CACNG2: variants seen among roughly 807,000 people sequenced by gnomAD.
CACNG2 encodes the protein calcium voltage-gated channel auxiliary subunit gamma 2.
A neutral mutation model predicts 25.9 loss-of-function variants in CACNG2; 3 were observed. The ratio of observed to expected loss-of-function variants is 0.12; its 90% CI spans 0.05 to 0.30. CACNG2 has a LOEUF of 0.30. CACNG2 is among the 10% of genes least tolerant of loss of function. The pLI, the probability that CACNG2 is intolerant of heterozygous loss-of-function variation, is 1.00. For synonymous variants in CACNG2, 167 were observed against 173.3 expected, an observed-to-expected ratio of 0.96 and a Z score of 0.29; for missense variants, 341 against 432.5, an observed-to-expected ratio of 0.79 and a Z score of 1.88.
chr22:36,673,385 C>T (rs76349364), intron 1 of CACNG2, among the ~76,000 whole-genome samples: 6,590 of 152,230 alleles, frequency 0.043, 279 homozygotes, highest in Middle Eastern at 0.11. Flanking sequence ...GATTGGAAAT[C>T]GAATTCTCTG....
At chr22:36,665,321 C>T (rs766426673) in intron 1 of CACNG2, among the ~76,000 whole-genome samples, 25 of 152,206 alleles carry the variant, frequency 1.6e-4, no homozygotes, top group Non-Finnish European at 2.6e-4. Flanking sequence ...CTTAACCCTT[C>T]TAGACGTCCC....
intron 2 of CACNG2, among the ~76,000 whole-genome samples, chr22:36,582,410 C>CTTTT (rs1215880009): frequency 6.8e-6 from 1 of 145,998 alleles, no homozygotes; most frequent in African/African-American, 2.5e-5. Context: ...TTCTTTCTTT[C>CTTTT]TTTTTTTTTT....
intron 1 of CACNG2, among the ~76,000 whole-genome samples, chr22:36,698,900 G>A (rs984985099): frequency 3.3e-5 from 5 of 152,146 alleles, no homozygotes; most frequent in African/African-American, 9.7e-5. Flanking sequence ...GAAGGCATAG[G>A]AGAGAATAAG....
At chr22:36,579,118 A>G (rs1935371724) in intron 2 of CACNG2, among the ~76,000 whole-genome samples, 2 of 152,146 alleles carry the variant, frequency 1.3e-5, no homozygotes, top group Non-Finnish European at 2.9e-5. Context: ...AAAAGCTGCC[A>G]GCTCGACTGG....
intron 1 of CACNG2, among the ~76,000 whole-genome samples, chr22:36,670,557 G>C (rs750612348): frequency 6.6e-6 from 1 of 152,154 alleles, no homozygotes; most frequent in Non-Finnish European, 1.5e-5. Context: ...CTCCAGGGCA[G>C]TGTTCTAGAA....
intron 1 of CACNG2, among the ~76,000 whole-genome samples, chr22:36,643,821 T>C (rs1178677251): frequency 6.6e-6 from 1 of 152,230 alleles, no homozygotes; most frequent in Non-Finnish European, 1.5e-5. Flanking sequence ...TATTACCTTA[T>C]TTAAGCCTTA....
chr22:36,673,619 T>C (rs192564410), intron 1 of CACNG2, among the ~76,000 whole-genome samples: 255 of 151,568 alleles, frequency 1.7e-3, no homozygotes, highest in African/African-American at 6.1e-3. Flanking sequence ...GGGCAGTGTA[T>C]GCTGGCAGGG....
chr22:36,662,066 A>G (rs1601442639), intron 1 of CACNG2, among the ~76,000 whole-genome samples: 1 of 124,008 alleles, frequency 8.1e-6, no homozygotes, highest in Non-Finnish European at 1.6e-5. Context: ...TGCAAGCTCC[A>G]CCTCCCAGGT....
intron 1 of CACNG2, among the ~76,000 whole-genome samples, chr22:36,664,397 A>G (rs1246513112): frequency 6.6e-6 from 1 of 152,236 alleles, no homozygotes; most frequent in African/African-American, 2.4e-5. Context: ...CAGGATGAGC[A>G]AGGTCCTTGT....
chr22:36,606,210 T>A lies in CACNG2; in HGVS notation c.212-18662A>T, dbSNP rs570816574. ...GGATTCCCCGTCCCCCAGAGCTGAG[T>A]CTTGAGAGGACCCTAGACAAATAAT... On this transcript the variant is annotated intron_variant, in intron 1 of 3. Coordinates refer to ENST00000300105, the MANE Select transcript of CACNG2 (RefSeq NM_006078.5). This position sits in a 1 kb window ranked among gnomAD's most constrained non-coding sequence, Gnocchi z 5.7. 6.6e-6 allele frequency among the ~76,000 whole-genome samples: 1 copy of A among 152,102 alleles called. No homozygotes were observed. Among genetic ancestry groups the A allele is most frequent in the Non-Finnish European group, 1.5e-5 (1 of 67,994 alleles).
intron 1 of CACNG2, among the ~76,000 whole-genome samples, chr22:36,598,371 A>G (rs577092067): frequency 6.6e-6 from 1 of 152,330 alleles, no homozygotes; most frequent in East Asian, 1.9e-4. Flanking sequence ...TAATCCCAGC[A>G]CGTTGGGAGG....
chr22:36,670,152 T>A (rs923990806), intron 1 of CACNG2, among the ~76,000 whole-genome samples: 2 of 152,148 alleles, frequency 1.3e-5, no homozygotes, highest in Non-Finnish European at 2.9e-5. Context: ...TTTAGTAAAC[T>A]TTTTACTGTG....
chr22:36,611,665 G>T (rs2145941791), intron 1 of CACNG2, among the ~76,000 whole-genome samples: 1 of 152,280 alleles, frequency 6.6e-6, no homozygotes, highest in African/African-American at 2.4e-5. Flanking sequence ...CCTCCACTGG[G>T]ATCTCTTGAG....
At chr22:36,642,393 A>G (rs988247976) in intron 1 of CACNG2, among the ~76,000 whole-genome samples, 8 of 152,166 alleles carry the variant, frequency 5.3e-5, no homozygotes, top group African/African-American at 1.9e-4. Flanking sequence ...ATCTGTCACA[A>G]ATACCTAGCA....
At chr22:36,673,791 C>T (rs964057479) in intron 1 of CACNG2, among the ~76,000 whole-genome samples, 5 of 152,092 alleles carry the variant, frequency 3.3e-5, no homozygotes, top group Non-Finnish European at 4.4e-5. Context: ...TTACAAAGTA[C>T]TTTACAGTTT....
intron 1 of CACNG2, among the ~76,000 whole-genome samples, chr22:36,682,179 G>A (rs1336349576): frequency 6.6e-6 from 1 of 152,238 alleles, no homozygotes; most frequent in Non-Finnish European, 1.5e-5. Context: ...ACTTGGGGGA[G>A]AAGACGCAGG....
rs189308766 is a variant in CACNG2, at chr22:36,645,748, C to T, written c.211+56618G>A. 2.5e-4 allele frequency among the ~76,000 whole-genome samples: 38 copies of T among 152,250 alleles called. No homozygotes were observed. In the East Asian group the frequency reaches 6.7e-3, roughly 27 times the overall value. On this transcript the variant is annotated intron_variant, in intron 1 of 3. Coordinates refer to ENST00000300105, the MANE Select transcript of CACNG2 (RefSeq NM_006078.5). ...ATTATATCTCTAGAGCTACAGGAAT[C>T]TCATAATGGGAAATGCACATAAAGG...
At chr22:36,600,331 C>G (rs1012293857) in intron 1 of CACNG2, among the ~76,000 whole-genome samples, 2 of 151,444 alleles carry the variant, frequency 1.3e-5, no homozygotes, top group African/African-American at 4.9e-5. Flanking sequence ...CTCACTGTGA[C>G]CTCGAACTCT....
At chr22:36,648,246 G>C (rs1221428053) in intron 1 of CACNG2, among the ~76,000 whole-genome samples, 1 of 152,180 alleles carries the variant, frequency 6.6e-6, no homozygotes, top group Non-Finnish European at 1.5e-5. Flanking sequence ...TCAAGTCATG[G>C]CAAGTGTCCA....
Sources: allele counts gnomAD v4.1 joint callset (sites outside exome capture counted in the v4.1 genomes callset), GRCh38; gene constraint gnomAD v4.1.1; non-coding constraint Gnocchi (gnomAD v3.1); transcripts MANE v1.5; gene names NCBI Gene and HGNC (gene_info 2026-07-23, HGNC 2026-07-21).